The following OCA2 variants were observed in gnomAD, a reference collection of about 807,000 sequenced individuals.
The protein encoded by OCA2 is OCA2 melanosomal transmembrane protein.
A neutral mutation model predicts 100.2 loss-of-function variants in OCA2; 77 were observed. That is an observed-to-expected ratio of 0.77 (90% CI 0.64 to 0.93). OCA2 has a LOEUF of 0.93. Among genes scored for constraint, OCA2 ranks in the 40% least tolerant of loss-of-function variants. The probability of loss-of-function intolerance (pLI) is 0.00; values close to 1 mark genes in which losing one functional copy is unlikely to be tolerated. For missense variants in OCA2, 1,062 were observed against 1,089.1 expected, an observed-to-expected ratio of 0.98 and a Z score of 0.35; for synonymous variants, 432 against 439.2, an observed-to-expected ratio of 0.98 and a Z score of 0.21.
chr15:27,931,032 C>A (rs1042113701), intron 18 of OCA2, among the ~76,000 whole-genome samples: 1 of 152,118 alleles, frequency 6.6e-6, no homozygotes, highest in East Asian at 1.9e-4. Flanking sequence ...ATTATAAGCA[C>A]TACAGAGCTA....
the OCA2 span, among the ~76,000 whole-genome samples, chr15:27,749,869 A>G: frequency 6.6e-6 from 1 of 152,256 alleles, no homozygotes; most frequent in African/African-American, 2.4e-5. Flanking sequence ...ATCATGTCCA[A>G]GGGATGGAAA....
At chr15:27,949,111 C>T (rs1311207396) in intron 18 of OCA2, among the ~76,000 whole-genome samples, 1 of 152,150 alleles carries the variant, frequency 6.6e-6, no homozygotes, top group Non-Finnish European at 1.5e-5. Flanking sequence ...GAGAAAGAGT[C>T]AATGCTATGT....
intron 14 of OCA2, among the ~76,000 whole-genome samples, chr15:27,970,923 G>T (rs1320426084): frequency 6.8e-6 from 1 of 146,092 alleles, no homozygotes; most frequent in Non-Finnish European, 1.5e-5. Flanking sequence ...CGTAAAGAAC[G>T]TCCCAGCATG....
intron 9 of OCA2, among the ~76,000 whole-genome samples, chr15:28,013,331 G>A (rs1221137497): frequency 1.3e-5 from 2 of 152,158 alleles, no homozygotes; most frequent in African/African-American, 4.8e-5. Context: ...GCGCAGTAAA[G>A]ATTTCACCTA....
chr15:27,763,216 T>G (rs1421230268), intron 23 of OCA2, among the ~76,000 whole-genome samples: 1 of 152,140 alleles, frequency 6.6e-6, no homozygotes, highest in Non-Finnish European at 1.5e-5. Flanking sequence ...TACAGTTTAG[T>G]GAAGAGTTCT....
intron 23 of OCA2, among the ~76,000 whole-genome samples, chr15:27,841,564 T>C (rs1379918030): frequency 6.6e-6 from 1 of 152,200 alleles, no homozygotes; most frequent in African/African-American, 2.4e-5. Flanking sequence ...TAGATAAAAA[T>C]GGAGCTAAAG....
At chr15:28,016,045 C>G (rs2042380490) in intron 8 of OCA2, 59 bp downstream of exon 8, 1 of 1,369,392 alleles carries the variant, frequency 7.3e-7, no homozygotes, top group Non-Finnish European at 1.0e-6. Context: ...AGGTCAGACT[C>G]CTTTAAACGC....
chr15:27,931,264 A>T (rs1056231778), intron 18 of OCA2, among the ~76,000 whole-genome samples: 3 of 152,202 alleles, frequency 2.0e-5, no homozygotes, highest in Admixed American at 1.3e-4. Context: ...TGGATGGATA[A>T]CGTATCCTTT....
rs556855217 is a variant in OCA2 at position 28,079,669 on chromosome 15, C to T, written c.227+1979G>A. Among the ~76,000 whole-genome samples, 4 of 152,356 alleles carry T rather than the reference C, an allele frequency of 2.6e-5. No homozygotes were observed. In the East Asian group the frequency reaches 7.7e-4, roughly 29 times the overall value. On this transcript the variant is annotated intron_variant, in intron 2 of 23. Transcript: ENST00000354638. ...AGCTCCGCATGGGAGGTGTGGCTCA[C>T]TCATGAGGGCTCATGCCTGTGGACA...
intron 1 of OCA2, among the ~76,000 whole-genome samples, chr15:28,088,513 AC>A (rs1365200446): frequency 6.6e-6 from 1 of 152,054 alleles, no homozygotes; most frequent in African/African-American, 2.4e-5. Flanking sequence ...GGGGAAATTC[AC>A]CCCCGATATT....
At chr15:27,905,887 C>G (rs899082141) in intron 19 of OCA2, among the ~76,000 whole-genome samples, 3 of 152,166 alleles carry the variant, frequency 2.0e-5, no homozygotes, top group African/African-American at 7.2e-5. Flanking sequence ...ACTACAAGCC[C>G]ACACTTCAAA....
At chr15:27,782,838 A>T (rs941046220) in intron 23 of OCA2, among the ~76,000 whole-genome samples, 3 of 152,254 alleles carry the variant, frequency 2.0e-5, no homozygotes, top group Non-Finnish European at 4.4e-5. Context: ...GGGGCTCTAA[A>T]GTAAATAAGA....
chr15:27,725,455 C>G, the OCA2 span, among the ~76,000 whole-genome samples: 1 of 152,160 alleles, frequency 6.6e-6, no homozygotes, highest in Non-Finnish European at 1.5e-5. Context: ...ATAATCCCAG[C>G]TACTCAGGAG....
chr15:27,773,470 C>T (rs1323433486), intron 23 of OCA2, among the ~76,000 whole-genome samples: 2 of 152,082 alleles, frequency 1.3e-5, no homozygotes, highest in African/African-American at 4.8e-5. Flanking sequence ...TTATTATTTA[C>T]AATATATGTC....
intron 9 of OCA2, among the ~76,000 whole-genome samples, chr15:28,005,158 C>T (rs963419131): frequency 1.4e-4 from 21 of 152,112 alleles, no homozygotes; most frequent in African/African-American, 5.1e-4. Context: ...CAGCTCAGTT[C>T]AGCCCGCCAG....
At chr15:28,046,398 C>A (rs537179761) in intron 2 of OCA2, among the ~76,000 whole-genome samples, 27 of 152,240 alleles carry the variant, frequency 1.8e-4, no homozygotes, top group African/African-American at 6.5e-4. Flanking sequence ...TTGTCAGAAC[C>A]CAGCAGAAAA....
intron 20 of OCA2, among the ~76,000 whole-genome samples, 167 bp from the exon 21 acceptor site, chr15:27,871,425 G>T (rs1010600392): frequency 6.6e-6 from 1 of 152,188 alleles, no homozygotes; most frequent in African/African-American, 2.4e-5. Context: ...CACACCAGGA[G>T]CCTCTGCTGG....
chr15:27,873,318 C>T (rs898946492), intron 19 of OCA2, among the ~76,000 whole-genome samples: 1 of 152,262 alleles, frequency 6.6e-6, no homozygotes, highest in African/African-American at 2.4e-5. Context: ...TCTCCAGACA[C>T]AGCCACTGTC....
chr15:28,079,344 G>A (rs1328653136), intron 2 of OCA2, among the ~76,000 whole-genome samples: 1 of 151,686 alleles, frequency 6.6e-6, no homozygotes. Context: ...AAACAAGAAG[G>A]GCAAAATGTA....
Sources: gnomAD v4.1 joint callset for allele counts (sites outside exome capture counted in the v4.1 genomes callset) on GRCh38, gnomAD v4.1.1 for gene constraint, MANE v1.5 for transcripts, NCBI Gene and HGNC (gene_info 2026-07-23, HGNC 2026-07-21) for gene names.